Variants in GFRA1 observed in about 807,000 individuals in gnomAD.
The protein encoded by GFRA1 is GDNF family receptor alpha 1, also known as GDNF family receptor alpha-1.
Under a neutral mutation model 51.6 loss-of-function variants are expected in GFRA1, and 16 were observed. The observed-to-expected ratio is 0.31, with a 90% confidence interval of 0.21 to 0.47. The LOEUF (loss-of-function observed/expected upper bound fraction) is 0.47, where lower values mean the gene tolerates loss of function less well. GFRA1 is among the 20% of genes least tolerant of loss of function. GFRA1 has a pLI of 1.00. For missense variants in GFRA1, 530 were observed against 594.3 expected, an observed-to-expected ratio of 0.89 and a Z score of 1.13; for synonymous variants, 270 against 241.3, an observed-to-expected ratio of 1.12 and a Z score of -1.10.
At chr10:116,103,192 G>A (rs1956883196) in intron 6 of GFRA1, among the ~76,000 whole-genome samples, 1 of 152,124 alleles carries the variant, frequency 6.6e-6, no homozygotes. Flanking sequence ...GCTATGTACA[G>A]TCACTTTAAA....
intron 9 of GFRA1, among the ~76,000 whole-genome samples, chr10:116,074,545 G>A (rs751883541): frequency 3.9e-5 from 6 of 152,138 alleles, no homozygotes; most frequent in Non-Finnish European, 7.3e-5. Flanking sequence ...GGAAGTCAGA[G>A]GTCAAGCCAG....
chr10:116,166,599 C>T (rs370348372), intron 5 of GFRA1, among the ~76,000 whole-genome samples: 5 of 151,874 alleles, frequency 3.3e-5, no homozygotes, highest in African/African-American at 9.7e-5. Context: ...CCCTGACCCT[C>T]GGTCTTACTG....
chr10:116,262,281 G>C (rs1235140133), intron 4 of GFRA1, among the ~76,000 whole-genome samples: 1 of 152,140 alleles, frequency 6.6e-6, no homozygotes, highest in African/African-American at 2.4e-5. Flanking sequence ...ATATTTAACT[G>C]TCTGTACCTT....
At chr10:116,157,196 A>G (rs1267820179) in intron 5 of GFRA1, among the ~76,000 whole-genome samples, 1 of 152,196 alleles carries the variant, frequency 6.6e-6, no homozygotes, top group East Asian at 1.9e-4. Context: ...TGAAGTCTGG[A>G]AGTAGAATAT....
Position 116,125,540 on chromosome 10 carries a change from C to G in GFRA1, c.451G>C (p.Gly151Arg), listed in dbSNP as rs758642456. The G allele has an allele frequency of 3.7e-6, 6 of 1,613,632 alleles. No homozygotes were observed. Among genetic ancestry groups the G allele is most frequent in the South Asian group, 2.2e-5 (2 of 90,932 alleles). The change falls in exon 6 of 11, where the codon GGG becomes CGG. Residue 151 changes from glycine (G) to arginine (R), a missense_variant. Physicochemically the swap from Gly to Arg is moderately radical, Grantham distance 125. Coordinates refer to ENST00000355422, the MANE Select transcript of GFRA1 (RefSeq NM_005264.8). ...VFQQVEHIPKGNNCLDAAKAC... is the reference protein window; with the variant it reads ...VFQQVEHIPKRNNCLDAAKAC... ...TTCGCTGCATCCAGGCAGTTGTTCC[C>G]TTTGGGAATGTGCTCCACTGCAAAT...
At chr10:116,232,052 T>G (rs1346253678) in intron 4 of GFRA1, among the ~76,000 whole-genome samples, 1 of 152,218 alleles carries the variant, frequency 6.6e-6, no homozygotes, top group Non-Finnish European at 1.5e-5. Flanking sequence ...TTCTTCTTCC[T>G]CAATGGCTTA....
At position 116,125,208 on chromosome 10, in the gene GFRA1, A is replaced by G. The variant is rs533369627; in HGVS notation, c.770+13T>C. The stretch of plus-strand genomic sequence containing the variant: ...GTCACCTCATTAATCACCAGCTGCC[A>G]GTGCCCACTTACCTGCAGATGTAAT... On this transcript the variant is annotated intron_variant, in intron 6 of 10. Coordinates refer to ENST00000355422, the MANE Select transcript of GFRA1 (RefSeq NM_005264.8). The G allele has an allele frequency of 1.2e-6, 2 of 1,606,466 alleles. No individual in the cohort carries two copies. The highest frequency in any genetic ancestry group is 1.7e-6 in the Non-Finnish European group (2 of 1,172,956).
At chr10:116,269,647 G>T in intron 3 of GFRA1, 61 bp from the exon 4 acceptor site, 1 of 990,840 alleles carries the variant, frequency 1.0e-6, no homozygotes, top group Non-Finnish European at 1.6e-6. Flanking sequence ...GCAGGTTTTT[G>T]CTGCTGAATC....
chr10:116,236,691 G>A (rs957271947), intron 4 of GFRA1, among the ~76,000 whole-genome samples: 1 of 152,152 alleles, frequency 6.6e-6, no homozygotes, highest in Admixed American at 6.5e-5. Context: ...TGGAGTTGAA[G>A]AAGGAGAATG....
At chr10:116,240,495 T>A (rs1198956469) in intron 4 of GFRA1, among the ~76,000 whole-genome samples, 1 of 152,152 alleles carries the variant, frequency 6.6e-6, no homozygotes, top group African/African-American at 2.4e-5. Flanking sequence ...TTTTGAAGGG[T>A]GTGAGTCCTA....
At chr10:116,133,217 G>A (rs1958179915) in intron 5 of GFRA1, among the ~76,000 whole-genome samples, 1 of 152,078 alleles carries the variant, frequency 6.6e-6, no homozygotes, top group African/African-American at 2.4e-5. Context: ...CCTCGGCTCT[G>A]TATTACCGAG....
At chr10:116,171,568 T>C (rs905374181) in intron 5 of GFRA1, among the ~76,000 whole-genome samples, 1 of 152,252 alleles carries the variant, frequency 6.6e-6, no homozygotes, top group Non-Finnish European at 1.5e-5. Context: ...CTTTATTCTC[T>C]CTGGTTTATT....
chr10:116,237,108 T>C (rs151288985), intron 4 of GFRA1, among the ~76,000 whole-genome samples: 10 of 152,308 alleles, frequency 6.6e-5, no homozygotes, highest in Admixed American at 5.9e-4. Flanking sequence ...ACAATTACTA[T>C]TATTATTAGT....
At chr10:116,076,771 G>C (rs1955636819) in intron 9 of GFRA1, among the ~76,000 whole-genome samples, 2 of 152,136 alleles carry the variant, frequency 1.3e-5, no homozygotes, top group African/African-American at 2.4e-5. Context: ...ATTCCCCATG[G>C]TGTGCTCCCT....
chr10:116,103,204 G>A (rs1683886726), intron 6 of GFRA1, among the ~76,000 whole-genome samples: 1 of 152,154 alleles, frequency 6.6e-6, no homozygotes, highest in South Asian at 2.1e-4. Context: ...CACTTTAAAT[G>A]TCTGCTGTGA....
chr10:116,228,732 T>C lies in GFRA1; in HGVS notation c.419-17087A>G, dbSNP rs547931477. ...GCACGGTGGCTCACGCCTGTAATCCTAGCACTTTGGGAGGCCAAGGCGGGC... is the reference window on the plus strand; with the variant it reads ...GCACGGTGGCTCACGCCTGTAATCCCAGCACTTTGGGAGGCCAAGGCGGGC... On this transcript the variant is annotated intron_variant, in intron 4 of 10. Transcript: ENST00000355422. Among the ~76,000 whole-genome samples the C allele has an allele frequency of 1.8e-4, 27 of 151,494 alleles. No individual in the cohort carries two copies. The South Asian group carries it at 2.9e-3, about 16-fold the overall frequency.
At chr10:116,253,906 A>G (rs1222581400) in intron 4 of GFRA1, among the ~76,000 whole-genome samples, 1 of 152,144 alleles carries the variant, frequency 6.6e-6, no homozygotes, top group African/African-American at 2.4e-5. Context: ...CCAACTAGCT[A>G]TGTGGCCTTA....
intron 9 of GFRA1, among the ~76,000 whole-genome samples, chr10:116,071,264 C>G (rs1327501194): frequency 6.6e-6 from 1 of 152,136 alleles, no homozygotes; most frequent in Non-Finnish European, 1.5e-5. Context: ...ACCTGCTCCC[C>G]CTGAAGATGC....
At chr10:116,197,349 A>G (rs1963967748) in intron 5 of GFRA1, among the ~76,000 whole-genome samples, 1 of 152,122 alleles carries the variant, frequency 6.6e-6, no homozygotes, top group South Asian at 2.1e-4. Flanking sequence ...CCCTTACCAA[A>G]CACGGAATCT....
Sources: allele counts gnomAD v4.1 joint callset (sites outside exome capture counted in the v4.1 genomes callset), GRCh38; gene constraint gnomAD v4.1.1; transcripts MANE v1.5; gene names NCBI Gene and HGNC (gene_info 2026-07-23, HGNC 2026-07-21).